Variants in ATPAF2 observed in about 807,000 individuals in gnomAD.
The protein encoded by ATPAF2 is ATP synthase mitochondrial F1 complex assembly factor 2.
ATPAF2 carries 30 observed loss-of-function variants against 36.6 expected under a neutral mutation model. The ratio of observed to expected loss-of-function variants is 0.82; its 90% CI spans 0.61 to 1.11. The LOEUF (loss-of-function observed/expected upper bound fraction) is 1.11. Ranked by LOEUF, ATPAF2 falls within the 50% of genes most tolerant of loss-of-function variation. The probability of loss-of-function intolerance (pLI) is 0.00; values close to 1 mark genes in which losing one functional copy is unlikely to be tolerated. For synonymous variants in ATPAF2, 140 were observed against 152.6 expected (o/e 0.92, Z 0.61); for missense variants, 321 against 372.3 (o/e 0.86, Z 1.13).
At chr17:18,021,359 T>C in intron 6 of ATPAF2, 121 bp from the exon 7 acceptor site, 1 of 788,306 alleles carries the variant, frequency 1.3e-6, no homozygotes, top group Non-Finnish European at 2.2e-6. Flanking sequence ...CATCCAGCGA[T>C]TGTCCCACTC....
rs527526239 is a variant in ATPAF2, at chr17:18,033,113, A to G, written c.134-4454T>C. 2.6e-5 allele frequency among the ~76,000 whole-genome samples: 4 copies of G among 152,194 alleles called. No homozygotes were observed. In the South Asian group the frequency reaches 8.3e-4, roughly 32 times the overall value. ...GCCGGGCATGGTGGCTCATGCCTGT[A>G]ATCCCAGAACTTTGTGAGGCCGAGG... On this transcript the variant is annotated intron_variant, in intron 1 of 7. Coordinates refer to ENST00000474627, the MANE Select transcript of ATPAF2 (RefSeq NM_145691.4).
chr17:18,021,900 C>G (rs1277068095), intron 5 of ATPAF2, 43 bp from the exon 6 acceptor site: 1 of 1,558,572 alleles, frequency 6.4e-7, no homozygotes, highest in South Asian at 1.1e-5. Flanking sequence ...CATGCTGTAG[C>G]CCAAGAGCAG....
chr17:18,038,140 G>A (rs1414380851), intron 1 of ATPAF2, among the ~76,000 whole-genome samples: 1 of 152,188 alleles, frequency 6.6e-6, no homozygotes, highest in Non-Finnish European at 1.5e-5. Flanking sequence ...ACATACAGGT[G>A]GGTCTTAAAG....
chr17:18,027,234 TC>T (rs2044560924), intron 3 of ATPAF2, among the ~76,000 whole-genome samples: 2 of 151,106 alleles, frequency 1.3e-5, no homozygotes, highest in African/African-American at 4.9e-5. Flanking sequence ...AAAAAAAAGA[TC>T]TTTTTTTTTC....
intron 3 of ATPAF2, 173 bp downstream of exon 3, chr17:18,028,059 G>A (rs1159384754): frequency 2.4e-5 from 18 of 762,108 alleles, no homozygotes; most frequent in Middle Eastern, 3.6e-4. Context: ...GCAAGTAGCC[G>A]GGCCAGACAA....
intron 1 of ATPAF2, among the ~76,000 whole-genome samples, chr17:18,031,947 G>A (rs569750893): frequency 2.2e-4 from 33 of 152,162 alleles, no homozygotes; most frequent in Non-Finnish European, 4.7e-4. Context: ...TCTACATGCT[G>A]TCCTGGTCAT....
At chr17:18,037,318 G>A (rs1026383178) in intron 1 of ATPAF2, among the ~76,000 whole-genome samples, 4 of 152,198 alleles carry the variant, frequency 2.6e-5, no homozygotes, top group South Asian at 4.1e-4. Context: ...GGCTGGGCGC[G>A]GTGGCTCACG....
intron 1 of ATPAF2, among the ~76,000 whole-genome samples, chr17:18,031,550 G>A (rs992662958): frequency 2.6e-5 from 4 of 151,950 alleles, no homozygotes; most frequent in African/African-American, 7.2e-5. Context: ...GGGGGCTGAG[G>A]CGGGCGGATC....
At chr17:18,026,268 C>T in intron 4 of ATPAF2, 51 bp downstream of exon 4, 1 of 1,515,286 alleles carries the variant, frequency 6.6e-7, no homozygotes, top group Non-Finnish European at 9.2e-7. Flanking sequence ...CTGGGCAAAT[C>T]AGGAAAAATA....
chr17:18,028,186 C>A, intron 3 of ATPAF2, 46 bp downstream of exon 3: 1 of 1,613,834 alleles, frequency 6.2e-7, no homozygotes, highest in South Asian at 1.1e-5. Context: ...CCCTACGAAG[C>A]CCTGGGTGGG....
intron 3 of ATPAF2, 124 bp from the exon 4 acceptor site, chr17:18,026,540 C>T (rs2044548406): frequency 1.1e-5 from 9 of 786,702 alleles, no homozygotes; most frequent in East Asian, 4.9e-5. Context: ...CCACCAGAGG[C>T]GTCTGCATTA....
rs1369170832 is a variant in ATPAF2 at position 18,018,337 on chromosome 17, C to T, written c.*212G>A. 1.6e-6 allele frequency: 1 copy of T among 619,376 alleles called. No homozygotes were observed. The highest frequency in any genetic ancestry group is 2.8e-6 in the Non-Finnish European group (1 of 352,830). The allele number at this position is 619,376 out of a possible 1,614,324, so 38.4% of individuals were successfully genotyped here. ...TTGCACAATTCATCTCCTACATTCACTGCTGGCCAGGCCAGGGGCACCTGG... is the reference window on the plus strand; with the variant it reads ...TTGCACAATTCATCTCCTACATTCATTGCTGGCCAGGCCAGGGGCACCTGG... On this transcript the variant is annotated 3_prime_UTR_variant, in exon 8 of 8. Transcript: ENST00000474627.
At chr17:18,022,108 G>A in intron 5 of ATPAF2, among the ~76,000 whole-genome samples, 1 of 152,164 alleles carries the variant, frequency 6.6e-6, no homozygotes, top group Non-Finnish European at 1.5e-5. Flanking sequence ...ATGTGAGCTA[G>A]GGCTCGGTTA....
chr17:18,016,231 G>A (rs755104187), downstream of ATPAF2: 2 of 1,602,348 alleles, frequency 1.2e-6, no homozygotes, highest in Admixed American at 3.3e-5. Flanking sequence ...CAGGCTGGAT[G>A]AACTTTTCTA....
chr17:18,031,543 G>T (rs941820850), intron 1 of ATPAF2, among the ~76,000 whole-genome samples: 1 of 151,834 alleles, frequency 6.6e-6, no homozygotes, highest in Non-Finnish European at 1.5e-5. Flanking sequence ...CACTTTGGGG[G>T]GCTGAGGCGG....
chr17:18,015,231 T>A, downstream of ATPAF2: 1 of 152,206 alleles, frequency 6.6e-6, no homozygotes. Flanking sequence ...ACAGAACGTT[T>A]TAGAGACCAT....
chr17:18,023,320 T>C (rs2044498401), intron 5 of ATPAF2, among the ~76,000 whole-genome samples: 2 of 150,338 alleles, frequency 1.3e-5, no homozygotes. Context: ...CCCAGCTACT[T>C]GAGAGGCTGA....
intron 3 of ATPAF2, 86 bp from the exon 4 acceptor site, chr17:18,026,502 A>G (rs1188585241): frequency 6.0e-6 from 6 of 999,176 alleles, no homozygotes; most frequent in East Asian, 2.4e-5. Flanking sequence ...CATCTGACAC[A>G]TAGCAGACAG....
chr17:18,038,184 C>T (rs139195420), intron 1 of ATPAF2, among the ~76,000 whole-genome samples: 1 of 152,294 alleles, frequency 6.6e-6, no homozygotes, highest in Non-Finnish European at 1.5e-5. Flanking sequence ...CACAATAAAA[C>T]TAATTGAATG....
Sources: gnomAD v4.1 joint callset for allele counts (sites outside exome capture counted in the v4.1 genomes callset) on GRCh38, gnomAD v4.1.1 for gene constraint, MANE v1.5 for transcripts, NCBI Gene and HGNC (gene_info 2026-07-23, HGNC 2026-07-21) for gene names.